LMNA: variants seen among roughly 807,000 people sequenced by gnomAD.
LMNA encodes the protein lamin.
A neutral mutation model predicts 70.4 loss-of-function variants in LMNA; 20 were observed. The observed-to-expected ratio is 0.28, with a 90% CI of 0.20 to 0.41. LMNA has a LOEUF of 0.41. LMNA is among the 10% of genes least tolerant of loss of function. LMNA has a pLI of 1.00. For synonymous variants in LMNA, 339 were observed against 372.8 expected (o/e 0.91, Z 1.04); for missense variants, 652 against 917.2 (o/e 0.71, Z 3.73).
At position 156,136,044 on chromosome 1, in the gene LMNA, G is replaced by C; in HGVS notation, c.1080G>C (p.Gln360His). 8.1e-6 allele frequency: 13 copies of C among 1,614,170 alleles called. No individual in the cohort carries two copies. Among genetic ancestry groups the C allele is most frequent in the Non-Finnish European group, 1.1e-5 (13 of 1,180,040 alleles). Reference sequence around the variant, plus strand: ...TGCAGCAGCAGCTGGACGAGTACCAGGAGCTTCTGGACATCAAGCTGGCCC... The same window carrying C: ...TGCAGCAGCAGCTGGACGAGTACCACGAGCTTCTGGACATCAAGCTGGCCC... ...ARMQQQLDEY[Q>H]ELLDIKLALD... The change falls in exon 6 of 12, where the codon CAG becomes CAC. Residue 360 changes from glutamine (Q) to histidine (H), a missense_variant. Gln to His is a conservative substitution (Grantham distance 24). Transcript: ENST00000368300. This position sits in a 1 kb window ranked among gnomAD's most constrained non-coding sequence, Gnocchi z 6.1.
intron 1 of LMNA, chr1:156,126,600 T>C: frequency 1.1e-6 from 1 of 921,200 alleles, no homozygotes; most frequent in South Asian, 1.4e-5. Context: ...GGAGCCGGAC[T>C]TCCTTGTCCC....
intron 1 of LMNA, chr1:156,126,930 A>T (rs781208169): frequency 5.1e-6 from 8 of 1,579,218 alleles, no homozygotes; most frequent in Non-Finnish European, 6.9e-6. Flanking sequence ...GCACTAGAGG[A>T]TTTCCCGACC....
intron 1 of LMNA, among the ~76,000 whole-genome samples, chr1:156,123,674 C>T (rs762946714): frequency 6.6e-6 from 1 of 152,068 alleles, no homozygotes; most frequent in Admixed American, 6.6e-5. Context: ...TGTGACAACA[C>T]CGGAATGATT....
chr1:156,138,954 A>C lies in LMNA; in HGVS notation c.1969-126A>C. 1 of 1,305,812 alleles carries C rather than the reference A, an allele frequency of 7.7e-7. No individual in the cohort carries two copies. The allele number at this position is 1,305,812 out of a possible 1,614,324, so 80.9% of individuals were successfully genotyped here. A position where few individuals can be genotyped will look rare whatever the true frequency, so the allele number is the denominator to read the frequency against. On this transcript the variant is annotated intron_variant, in intron 11 of 11. Transcript: ENST00000368300. This position sits in a 1 kb window ranked among gnomAD's most constrained non-coding sequence, Gnocchi z 5.5. ...CCCTCTTGTCTGAGCCCCAGACTGGAGGGCAGGGGCAGGGCTGGAGTGTGA... is the reference window on the plus strand; with the variant it reads ...CCCTCTTGTCTGAGCCCCAGACTGGCGGGCAGGGGCAGGGCTGGAGTGTGA...
At chr1:156,084,333 G>GGGGGGC (rs1553259254) in intron 2 of LMNA, among the ~76,000 whole-genome samples, 1 of 68,462 alleles carries the variant, frequency 1.5e-5, no homozygotes, top group South Asian at 7.1e-4. Flanking sequence ...AAGGTCGGGG[G>GGGGGGC]GTGGTGGGGG....
chr1:156,111,597 T>C (rs1315427343), upstream of LMNA, among the ~76,000 whole-genome samples: 1 of 152,234 alleles, frequency 6.6e-6, no homozygotes, highest in African/African-American at 2.4e-5. Context: ...TAATCATTTG[T>C]GCTTGTTGGT....
chr1:156,136,240 C>T lies in LMNA; in HGVS notation c.1184C>T (p.Ser395Leu), dbSNP rs267607561. 7.4e-6 allele frequency: 12 copies of T among 1,611,976 alleles called. No individual in the cohort carries two copies. The highest frequency in any genetic ancestry group is 2.7e-5 in the African/African-American group (2 of 74,924). Residue 395 changes from serine to leucine, a missense_variant, in exon 7 of 12, where the codon TCG (serine) becomes TTG (leucine). Physicochemically the swap from Ser to Leu is moderately radical, Grantham distance 145. This residue lies in a region of LMNA where 327 missense variants were observed against 387.6 expected (regional missense o/e 0.84). Transcript: ENST00000368300. The surrounding 1 kb of genome is among the most constrained non-coding windows in gnomAD (Gnocchi z 6.1). ...CTACGCCTGTCCCCCAGCCCTACCT[C>T]GCAGCGCAGCCGTGGCCGTGCTTCC... ...ERLRLSPSPT[S>L]QRSRGRASSH... is the part of the protein sequence containing the mutation.
chr1:156,136,811 G>A lies in LMNA; in HGVS notation c.1381-110G>A, dbSNP rs967534011. 1.1e-6 allele frequency: 1 copy of A among 872,062 alleles called. No individual in the cohort carries two copies. Among genetic ancestry groups the A allele is most frequent in the Non-Finnish European group, 1.9e-6 (1 of 535,656 alleles). The allele number at this position is 872,062 out of a possible 1,614,324, so 54.0% of individuals were successfully genotyped here. On this transcript the variant is annotated intron_variant, in intron 7 of 11. Transcript: ENST00000368300. The surrounding 1 kb of genome is among the most constrained non-coding windows in gnomAD (Gnocchi z 6.1). ...GCAGTGACAGGGGTGTGTGTAGATG[G>A]AAGGAGAGGCCTCAATTGCAGGCAG... is the stretch of plus-strand genomic sequence containing the variant.
At chr1:156,092,555 T>C (rs1648749388) in intron 3 of LMNA, among the ~76,000 whole-genome samples, 1 of 151,814 alleles carries the variant, frequency 6.6e-6, no homozygotes, top group Admixed American at 6.6e-5. Context: ...GGTGGGTACC[T>C]GTAATCCCAG....
intron 2 of LMNA, among the ~76,000 whole-genome samples, chr1:156,089,219 C>G (rs187192724): frequency 6.6e-6 from 1 of 152,050 alleles, no homozygotes; most frequent in Non-Finnish European, 1.5e-5. Flanking sequence ...TCAAGTGATC[C>G]GCCTACCTCA....
At chr1:156,088,668 G>T (rs1190506318) in intron 2 of LMNA, among the ~76,000 whole-genome samples, 1 of 152,124 alleles carries the variant, frequency 6.6e-6, no homozygotes, top group Non-Finnish European at 1.5e-5. Context: ...TATATTTTTT[G>T]AGACGGAGTC....
At chr1:156,096,042 G>A (rs182817200) in intron 3 of LMNA, among the ~76,000 whole-genome samples, 1 of 152,334 alleles carries the variant, frequency 6.6e-6, no homozygotes, top group Admixed American at 6.5e-5. Context: ...GTGATGCTGA[G>A]TCTAGTCTCA....
intron 1 of LMNA, among the ~76,000 whole-genome samples, chr1:156,118,432 G>A (rs1649981589): frequency 3.9e-5 from 6 of 152,168 alleles, no homozygotes. Context: ...GCAGGGCGGA[G>A]GTGGTGTGTG....
upstream of LMNA, among the ~76,000 whole-genome samples, chr1:156,114,319 C>G (rs1414872024): frequency 6.6e-6 from 1 of 152,212 alleles, no homozygotes; most frequent in Non-Finnish European, 1.5e-5. Flanking sequence ...CCTCAGCCCT[C>G]CCCCCACTTT....
At chr1:156,094,173 G>A (rs1031233406) in intron 3 of LMNA, among the ~76,000 whole-genome samples, 1 of 152,138 alleles carries the variant, frequency 6.6e-6, no homozygotes, top group African/African-American at 2.4e-5. Context: ...CTCAGTCACC[G>A]CTAGTAAAAT....
At position 156,136,964 on chromosome 1, in the gene LMNA, A is replaced by G. The variant is rs1651695560; in HGVS notation, c.1424A>G (p.Asp475Gly). 6.2e-7 allele frequency: 1 copy of G among 1,614,136 alleles called. No homozygotes were observed. ...GNWQIKRQNGDDPLLTYRFPP... is the reference protein window; with the variant it reads ...GNWQIKRQNGGDPLLTYRFPP... ...TGGCAGATCAAGCGCCAGAATGGAG[A>G]TGATCCCTTGCTGACTTACCGGTTC... The change falls in exon 8 of 12, where the codon GAT becomes GGT. Residue 475 changes from aspartate (D) to glycine (G), a missense_variant. By Grantham distance (94) the Asp-to-Gly change is moderately conservative. Transcript: ENST00000368300. This position sits in a 1 kb window ranked among gnomAD's most constrained non-coding sequence, Gnocchi z 6.1.
At chr1:156,129,926 C>G (rs760118444) in intron 1 of LMNA, 2 of 754,872 alleles carry the variant, frequency 2.6e-6, no homozygotes, top group Non-Finnish European at 4.9e-6. Context: ...TCAGCCTTCT[C>G]CCAGGGCACG....
rs550603204 is a variant in LMNA at position 156,134,085 on chromosome 1, C to T, written c.514-318C>T. On this transcript the variant is annotated intron_variant, in intron 2 of 11. Transcript: ENST00000368300. The surrounding 1 kb of genome is among the most constrained non-coding windows in gnomAD (Gnocchi z 5.3). ...AGGCTGGAGTGCAGTAGTGCGATCT[C>T]GGCTCACTGCAACCTCCACCTCCTG... Among the ~76,000 whole-genome samples, 7 of 152,226 alleles carry T rather than the reference C, an allele frequency of 4.6e-5. No individual in the cohort carries two copies. The South Asian group carries it at 8.3e-4, about 18-fold the overall frequency.
At chr1:156,085,313 A>T (rs1158791369) in intron 2 of LMNA, among the ~76,000 whole-genome samples, 6 of 152,204 alleles carry the variant, frequency 3.9e-5, no homozygotes, top group African/African-American at 1.4e-4. Flanking sequence ...TCTCTCCCGG[A>T]GGCTGGTGGC....
Sources: gnomAD v4.1 joint callset for allele counts (sites outside exome capture counted in the v4.1 genomes callset) on GRCh38, gnomAD v4.1.1 for gene constraint, gnomAD v4.1.1 regional missense constraint, Gnocchi (gnomAD v3.1) non-coding constraint, MANE v1.5 for transcripts, NCBI Gene and HGNC (gene_info 2026-07-23, HGNC 2026-07-21) for gene names.